The following TENT5D variants were observed in gnomAD, a reference collection of about 807,000 sequenced individuals.
TENT5D encodes terminal nucleotidyltransferase 5D.
For missense variants in TENT5D, 191 were observed against 287.0 expected (o/e 0.67, Z 2.42); for synonymous variants, 103 against 100.6 (o/e 1.02, Z -0.15).
At chrX:80,436,400 T>C (rs1229517632) in intron 1 of TENT5D, among the ~76,000 whole-genome samples, 16 of 111,192 alleles carry the variant, frequency 1.4e-4, no homozygotes, top group Non-Finnish European at 1.9e-5. Flanking sequence ...TTCTTTTTTA[T>C]TATTATTATA....
intron 3 of TENT5D, among the ~76,000 whole-genome samples, chrX:80,347,761 G>A (rs1930095158): frequency 8.9e-6 from 1 of 112,135 alleles, no homozygotes; most frequent in South Asian, 3.7e-4. Flanking sequence ...CCTACGTCCT[G>A]AATGGTATCT....
chrX:80,337,790 T>TG (rs1308622858), intron 2 of TENT5D, among the ~76,000 whole-genome samples: 1 of 111,074 alleles, frequency 9.0e-6, no homozygotes, highest in African/African-American at 3.3e-5. Flanking sequence ...TTTTTGGAGT[T>TG]GGAGTCTCGC....
At chrX:80,340,454 C>A (rs1352131944) in intron 2 of TENT5D, among the ~76,000 whole-genome samples, 1 of 111,238 alleles carries the variant, frequency 9.0e-6, no homozygotes, top group Admixed American at 9.6e-5. Flanking sequence ...ATTCTCGAGT[C>A]TCTAATCCAA....
chrX:80,380,810 G>A (rs973671895), intron 3 of TENT5D, among the ~76,000 whole-genome samples: 2 of 110,847 alleles, frequency 1.8e-5, no homozygotes, highest in African/African-American at 6.6e-5. Flanking sequence ...CCATTTGCTT[G>A]GTAGATCTTC....
At chrX:80,406,161 A>G (rs1277339163) in intron 3 of TENT5D, among the ~76,000 whole-genome samples, 2 of 112,105 alleles carry the variant, frequency 1.8e-5, no homozygotes. Context: ...AAAAAAGAAC[A>G]GAAAAACTGG....
intron 3 of TENT5D, among the ~76,000 whole-genome samples, chrX:80,374,262 G>A (rs887311730): frequency 1.8e-5 from 2 of 111,218 alleles, no homozygotes; most frequent in Non-Finnish European, 3.8e-5. Flanking sequence ...AGGCATTTAG[G>A]TTGATTCCAT....
intron 3 of TENT5D, among the ~76,000 whole-genome samples, chrX:80,394,946 A>G (rs1931213251): frequency 9.0e-6 from 1 of 111,517 alleles, no homozygotes; most frequent in African/African-American, 3.3e-5. Flanking sequence ...CCTAATGTGC[A>G]ATAGGATACC....
At chrX:80,384,715 G>A (rs1450737299) in intron 3 of TENT5D, among the ~76,000 whole-genome samples, 1 of 105,149 alleles carries the variant, frequency 9.5e-6, no homozygotes, top group African/African-American at 3.5e-5. Context: ...CTGATAAGCA[G>A]CTTCAGCAAA....
At chrX:80,409,522 A>G (rs761088174) in intron 3 of TENT5D, among the ~76,000 whole-genome samples, 101 of 110,925 alleles carry the variant, frequency 9.1e-4, no homozygotes, top group African/African-American at 3.1e-3. Flanking sequence ...TAAAATACCT[A>G]GGAATCCAAC....
intron 3 of TENT5D, among the ~76,000 whole-genome samples, chrX:80,410,917 G>T (rs867560386): frequency 9.5e-6 from 1 of 105,315 alleles, no homozygotes; most frequent in African/African-American, 3.5e-5. Context: ...TGCAGCCATA[G>T]AAAATGATGA....
chrX:80,421,108 T>A (rs1393108592), intron 1 of TENT5D, among the ~76,000 whole-genome samples: 1 of 112,526 alleles, frequency 8.9e-6, no homozygotes, highest in Non-Finnish European at 1.9e-5. Flanking sequence ...GTATTTTTTT[T>A]ATATAGTCCT....
At chrX:80,406,410 C>T (rs1449311640) in intron 3 of TENT5D, among the ~76,000 whole-genome samples, 1 of 107,478 alleles carries the variant, frequency 9.3e-6, no homozygotes, top group East Asian at 3.0e-4. Context: ...CTTAAAGGAG[C>T]TGATGGAGCT....
At chrX:80,413,380 C>A (rs1325555383) in intron 3 of TENT5D, among the ~76,000 whole-genome samples, 1 of 111,593 alleles carries the variant, frequency 9.0e-6, no homozygotes, top group Non-Finnish European at 1.9e-5. Context: ...CTTATAGATT[C>A]ATAAGACATG....
chrX:80,377,215 CATT>C (rs1446513601), intron 3 of TENT5D, among the ~76,000 whole-genome samples: 1 of 111,361 alleles, frequency 9.0e-6, no homozygotes, highest in Non-Finnish European at 1.9e-5. Context: ...TAGTGATAAT[CATT>C]AATCATTATG....
At chrX:80,358,435 C>T (rs1930333583) in intron 3 of TENT5D, among the ~76,000 whole-genome samples, 1 of 112,053 alleles carries the variant, frequency 8.9e-6, no homozygotes, top group African/African-American at 3.2e-5. Flanking sequence ...AAAATACCCT[C>T]TCTAAAATGG....
At chrX:80,417,377 G>A (rs554114957), upstream of TENT5D, among the ~76,000 whole-genome samples, 2 of 107,536 alleles carry the variant, frequency 1.9e-5, no homozygotes, top group East Asian at 2.9e-4. Flanking sequence ...ATTTGTTTGT[G>A]TGTTTGCTTT....
Position 80,388,333 on chromosome X carries a change from G to T in TENT5D, c.-142+45769G>T, listed in dbSNP as rs181421388. Among the ~76,000 whole-genome samples, 234 of 111,438 alleles carry T rather than the reference G, an allele frequency of 2.1e-3. 1 individual carries two copies. Among genetic ancestry groups the T allele is most frequent in the African/African-American group, 7.0e-3 (214 of 30,619 alleles). ...CTTTCTGGATAGACACCACAGCTAG[G>T]AATATGCTGGGTCACAACTAAAATC... On this transcript the variant is annotated intron_variant, in intron 3 of 4. Transcript: ENST00000538312.
intron 2 of TENT5D, among the ~76,000 whole-genome samples, chrX:80,339,353 A>G (rs1929912903): frequency 9.0e-6 from 1 of 111,479 alleles, no homozygotes; most frequent in African/African-American, 3.3e-5. Context: ...AGTTTCCTAA[A>G]AATTTGAGAG....
chrX:80,431,885 C>A (rs1252341304), intron 1 of TENT5D, among the ~76,000 whole-genome samples: 1 of 111,493 alleles, frequency 9.0e-6, no homozygotes, highest in African/African-American at 3.3e-5. Context: ...GGAAAAGGAA[C>A]AGCTTAAATG....
Sources: allele counts gnomAD v4.1 joint callset (sites outside exome capture counted in the v4.1 genomes callset), GRCh38; gene constraint gnomAD v4.1.1; transcripts MANE v1.5; gene names NCBI Gene and HGNC (gene_info 2026-07-23, HGNC 2026-07-21).